KAT2B: variants seen among roughly 807,000 people sequenced by gnomAD.
The protein encoded by KAT2B is lysine acetyltransferase 2B.
In KAT2B, 36 loss-of-function variants were observed where a neutral mutation model predicts 105.9. That is an observed-to-expected ratio of 0.34 (90% CI 0.26 to 0.45). The LOEUF (loss-of-function observed/expected upper bound fraction) is 0.45, where lower values mean the gene tolerates loss of function less well. Ranked by LOEUF, KAT2B falls within the 20% of genes least tolerant of loss-of-function variation. The probability of loss-of-function intolerance (pLI) is 1.00; values close to 1 mark genes in which losing one functional copy is unlikely to be tolerated. For synonymous variants in KAT2B, 397 were observed against 377.9 expected (o/e 1.05, Z -0.59); for missense variants, 820 against 1,021.6 (o/e 0.80, Z 2.69).
In KAT2B at chr3:20,107,134, G is replaced by A. The variant is rs376023257; in HGVS notation, c.852-4462G>A. Among the ~76,000 whole-genome samples, 28 of 137,540 alleles carry A rather than the reference G, an allele frequency of 2.0e-4. 1 individual carries two copies. Among genetic ancestry groups the A allele is most frequent in the African/African-American group, 5.2e-4 (19 of 36,720 alleles). 90.2% of individuals were successfully genotyped at this position (137,540 alleles called of 152,430 possible). ...TGCAACCTCCACCTCCTGGGTTCAA[G>A]CCATTCCCGTCTCTGCCTCCCGAGT... On this transcript the variant is annotated intron_variant, in intron 5 of 17. Transcript: ENST00000263754.
chr3:20,040,741 C>T lies in KAT2B; in HGVS notation c.264C>T (p.Ala88=). 1 of 1,595,350 alleles carries T rather than the reference C, an allele frequency of 6.3e-7. No homozygotes were observed. The highest frequency in any genetic ancestry group is 1.1e-5 in the South Asian group (1 of 90,728). Residue 88 remains alanine (A), a synonymous_variant, in exon 1 of 18, where the codon GCC becomes GCT. Coordinates refer to ENST00000263754, the MANE Select transcript of KAT2B (RefSeq NM_003884.5). ...KKAQLRSAPR[A]KKLEKLGVYS... is the part of the protein sequence containing the mutation. Reference sequence around the variant, plus strand: ...CGCAACTACGCTCCGCTCCGCGGGCCAAGAAACTGGAGAAACTCGGAGTGT... The same window carrying T: ...CGCAACTACGCTCCGCTCCGCGGGCTAAGAAACTGGAGAAACTCGGAGTGT...
chr3:20,061,919 T>TTATATATTATATATAAAATATAA (rs1553645229), intron 1 of KAT2B, among the ~76,000 whole-genome samples: 15 of 38,582 alleles, frequency 3.9e-4, no homozygotes, highest in Non-Finnish European at 6.0e-4. Context: ...AAAATATGTA[T>TTATATATTATATATAAAATATAA]TATATATCAT....
intron 5 of KAT2B, among the ~76,000 whole-genome samples, chr3:20,109,283 C>CAGATAGATAGATAGATAGAT (rs111929078): frequency 6.7e-6 from 1 of 149,240 alleles, no homozygotes; most frequent in Non-Finnish European, 1.5e-5. Flanking sequence ...CCCTCAGCCC[C>CAGATAGATAGATAGATAGAT]AGATAGATAG....
chr3:20,139,432 A>C (rs1285136505), intron 12 of KAT2B, among the ~76,000 whole-genome samples: 1 of 152,160 alleles, frequency 6.6e-6, no homozygotes, highest in Admixed American at 6.5e-5. Flanking sequence ...ATAAGATCTC[A>C]GCTATGGTTC....
chr3:20,046,439 G>A (rs947502585), intron 1 of KAT2B, among the ~76,000 whole-genome samples: 4 of 152,092 alleles, frequency 2.6e-5, no homozygotes, highest in East Asian at 1.9e-4. Context: ...AAAATTAGCC[G>A]GGCATGATGG....
intron 1 of KAT2B, among the ~76,000 whole-genome samples, chr3:20,057,906 A>G (rs757349633): frequency 4.7e-4 from 71 of 152,326 alleles, no homozygotes; most frequent in Admixed American, 9.2e-4. Context: ...GCAGTTTCTT[A>G]TTCAACTCCA....
chr3:20,101,402 C>T lies in KAT2B; in HGVS notation c.785C>T (p.Ala262Val). Residue 262 changes from alanine to valine, a missense_variant, in exon 5 of 18, where the codon GCA becomes GTA. Physicochemically the swap from Ala to Val is moderately conservative, Grantham distance 64. Coordinates refer to ENST00000263754, the MANE Select transcript of KAT2B (RefSeq NM_003884.5). ...LNRINYWHLE[A>V]PSQRRLRSPN... The stretch of plus-strand genomic sequence containing the variant: ...CGCATCAACTATTGGCATCTGGAGG[C>T]ACCATCTCAACGAAGACTGCGATCT... The T allele has an allele frequency of 1.2e-6, 2 of 1,614,024 alleles. No individual in the cohort carries two copies. Among genetic ancestry groups the T allele is most frequent in the Non-Finnish European group, 1.7e-6 (2 of 1,179,898 alleles).
intron 7 of KAT2B, among the ~76,000 whole-genome samples, chr3:20,116,552 C>A (rs1375945132): frequency 6.6e-6 from 1 of 152,088 alleles, no homozygotes; most frequent in Non-Finnish European, 1.5e-5. Context: ...AAAAGCTCCC[C>A]AGGTAATTTT....
intron 1 of KAT2B, among the ~76,000 whole-genome samples, chr3:20,058,196 G>A (rs962562908): frequency 1.3e-4 from 20 of 152,010 alleles, no homozygotes; most frequent in African/African-American, 4.6e-4. Flanking sequence ...GGTGGCTCAC[G>A]CCTGTAATCT....
intron 17 of KAT2B, among the ~76,000 whole-genome samples, chr3:20,149,597 G>A (rs1231463620): frequency 1.3e-5 from 2 of 151,222 alleles, no homozygotes; most frequent in Non-Finnish European, 2.9e-5. Flanking sequence ...TTATTTACAG[G>A]TGTTTTCTAT....
chr3:20,040,816 C>A, intron 1 of KAT2B, 36 bp downstream of exon 1: 1 of 1,548,630 alleles, frequency 6.5e-7, no homozygotes, highest in Non-Finnish European at 8.7e-7. Context: ...CGGATGGGTG[C>A]TAGGGGCCCA....
At chr3:20,102,214 G>T (rs529478909) in intron 5 of KAT2B, among the ~76,000 whole-genome samples, 1 of 152,220 alleles carries the variant, frequency 6.6e-6, no homozygotes, top group African/African-American at 2.4e-5. Flanking sequence ...TACTTGGGAG[G>T]CTGAGGCAGG....
chr3:20,072,997 T>A (rs1698353402), intron 2 of KAT2B, among the ~76,000 whole-genome samples: 2 of 152,180 alleles, frequency 1.3e-5, no homozygotes, highest in African/African-American at 4.8e-5. Context: ...TTCAACTTTC[T>A]TATCTGACCC....
At chr3:20,119,539 C>A (rs1034452781) in intron 7 of KAT2B, 59 bp from the exon 8 acceptor site, 25 of 1,602,742 alleles carry the variant, frequency 1.6e-5, no homozygotes, top group Middle Eastern at 3.3e-4. Flanking sequence ...CACTTCGTTT[C>A]TTGTTACCTA....
At chr3:20,134,412 G>T (rs1699564688) in intron 11 of KAT2B, among the ~76,000 whole-genome samples, 1 of 151,046 alleles carries the variant, frequency 6.6e-6, no homozygotes, top group Non-Finnish European at 1.5e-5. Flanking sequence ...TGTTGTTGTT[G>T]TTTGAGACGG....
At chr3:20,067,455 A>T (rs1698242338) in intron 1 of KAT2B, among the ~76,000 whole-genome samples, 1 of 152,158 alleles carries the variant, frequency 6.6e-6, no homozygotes, top group Non-Finnish European at 1.5e-5. Flanking sequence ...ATGTTAAGAC[A>T]AGAAGGGGCA....
At chr3:20,135,529 C>T (rs1699585772) in intron 11 of KAT2B, among the ~76,000 whole-genome samples, 1 of 152,040 alleles carries the variant, frequency 6.6e-6, no homozygotes, top group African/African-American at 2.4e-5. Context: ...TGGCGGGCAC[C>T]TGTAGTCCCA....
intron 2 of KAT2B, among the ~76,000 whole-genome samples, chr3:20,084,440 G>A (rs1186331174): frequency 2.0e-5 from 3 of 152,022 alleles, no homozygotes; most frequent in Non-Finnish European, 4.4e-5. Context: ...CTTTGTACAG[G>A]GGAGCCTCTT....
chr3:20,050,017 C>T (rs138544289), intron 1 of KAT2B, among the ~76,000 whole-genome samples: 186 of 152,116 alleles, frequency 1.2e-3, no homozygotes, highest in African/African-American at 4.2e-3. Context: ...CTGGGCAACA[C>T]GGTGAGACCC....
Sources: allele counts gnomAD v4.1 joint callset (sites outside exome capture counted in the v4.1 genomes callset), GRCh38; gene constraint gnomAD v4.1.1; transcripts MANE v1.5; gene names NCBI Gene and HGNC (gene_info 2026-07-23, HGNC 2026-07-21).